Variants in IRF6 observed in about 807,000 individuals in gnomAD.
IRF6 encodes the protein Van der Woude syndrome.
Under a neutral mutation model 51.4 loss-of-function variants are expected in IRF6, and 6 were observed. That is an observed-to-expected ratio of 0.12 (90% CI 0.06 to 0.23). IRF6 has a LOEUF of 0.23. Among genes scored for constraint, IRF6 ranks in the 10% least tolerant of loss-of-function variants. The pLI is 1.00. For missense variants in IRF6, 348 were observed against 585.2 expected, an observed-to-expected ratio of 0.59 and a Z score of 4.18; for synonymous variants, 178 against 215.7, an observed-to-expected ratio of 0.83 and a Z score of 1.53.
intron 6 of IRF6, 46 bp downstream of exon 6, chr1:209,792,223 A>G (rs2077872781): frequency 6.3e-7 from 1 of 1,581,800 alleles, no homozygotes; most frequent in South Asian, 1.1e-5. Flanking sequence ...GAAAGAGTCT[A>G]TAATAGAAGC....
rs12061620 is a variant in IRF6, at chr1:209,804,839, T to A, written c.-76+1108A>T. 8.4e-3 allele frequency among the ~76,000 whole-genome samples: 1,284 copies of A among 152,284 alleles called. 11 individuals carry two copies. Among genetic ancestry groups the A allele is most frequent in the African/African-American group, 0.028 (1,180 of 41,548 alleles). On this transcript the variant is annotated intron_variant, in intron 1 of 8. Transcript: ENST00000367021. ...CCACACAAAAGCCGAGATTTGGCCG[T>A]CAGTGGTTTTGCTCAGGTTAAAACA...
Position 209,801,285 on chromosome 1 carries a change from G to T in IRF6, c.129C>A (p.Ala43=). 1.2e-6 allele frequency: 2 copies of T among 1,614,118 alleles called. No individual in the cohort carries two copies. The highest frequency in any genetic ancestry group is 1.7e-6 in the Non-Finnish European group (2 of 1,180,014). ...SKRFQIPWKH[A]TRHSPQQEEE... ...CTTCTTGTTGAGGGCTATGCCGGGT[G>T]GCATGTTTCCAGGGAATCTGGAAGC... The change falls in exon 3 of 9, where the codon GCC becomes GCA. Residue 43 remains alanine, a synonymous_variant. Coordinates refer to ENST00000367021, the MANE Select transcript of IRF6 (RefSeq NM_006147.4).
intron 2 of IRF6, among the ~76,000 whole-genome samples, chr1:209,801,677 A>C (rs1450557863): frequency 6.6e-6 from 1 of 152,224 alleles, no homozygotes; most frequent in Non-Finnish European, 1.5e-5. Context: ...TCTTCTATTT[A>C]AATCCTGAAG....
At chr1:209,789,069 T>C (rs2077851881) in intron 8 of IRF6, among the ~76,000 whole-genome samples, 1 of 152,164 alleles carries the variant, frequency 6.6e-6, no homozygotes, top group Non-Finnish European at 1.5e-5. Context: ...CTTACACCCA[T>C]AATCCCAGCA....
At position 209,804,335 on chromosome 1, in the gene IRF6, A is replaced by T. The variant is rs1485467039; in HGVS notation, c.-76+1612T>A. Among the ~76,000 whole-genome samples the T allele has an allele frequency of 2.6e-5, 4 of 152,084 alleles. No homozygotes were observed. The East Asian group carries it at 7.7e-4, about 29-fold the overall frequency. ...CCTAAGTCACAGTGTTCTGTACCAA[A>T]CCCTGCCACTGCACCTTGTCTTCCA... is the stretch of plus-strand genomic sequence containing the variant. On this transcript the variant is annotated intron_variant, in intron 1 of 8. Coordinates refer to ENST00000367021, the MANE Select transcript of IRF6 (RefSeq NM_006147.4).
chr1:209,799,982 C>T (rs74469994), intron 3 of IRF6, among the ~76,000 whole-genome samples: 53 of 152,308 alleles, frequency 3.5e-4, no homozygotes, highest in African/African-American at 1.1e-3. Flanking sequence ...TTGAACCCTG[C>T]GCTTACATTT....
At chr1:209,789,245 A>T (rs2102535496) in intron 8 of IRF6, among the ~76,000 whole-genome samples, 1 of 151,824 alleles carries the variant, frequency 6.6e-6, no homozygotes, top group Non-Finnish European at 1.5e-5. Flanking sequence ...GATCACTTGA[A>T]CCTGGGAGGT....
rs2077858286 is a variant in IRF6, at chr1:209,789,805, A to G, written c.1061-20T>C. ...TGAGATCTGCAGAAAGTGGAAGAGC[A>G]AGTTTGGTATACTGGGTCATTCCAC... On this transcript the variant is annotated intron_variant, in intron 7 of 8. Transcript: ENST00000367021. The G allele has an allele frequency of 6.5e-7, 1 of 1,547,410 alleles. No homozygotes were observed. The highest frequency in any genetic ancestry group is 1.4e-5 in the African/African-American group (1 of 73,622).
chr1:209,789,670 A>G lies in IRF6; in HGVS notation c.1176T>C (p.Val392=). Residue 392 remains valine, a synonymous_variant, in exon 8 of 9, where the codon GTT becomes GTC. Transcript: ENST00000367021. ...GKPLERKLIL[V]QVIPVVARMI... is the part of the protein sequence containing the mutation. The stretch of plus-strand genomic sequence containing the variant: ...TGACACAGCCTTATCTTCTCACCTG[A>G]ACCAAGATGAGTTTCCTTTCCAATG... The G allele has an allele frequency of 6.2e-7, 1 of 1,606,788 alleles. No individual in the cohort carries two copies. Among genetic ancestry groups the G allele is most frequent in the Non-Finnish European group, 8.5e-7 (1 of 1,173,334 alleles).
intron 3 of IRF6, among the ~76,000 whole-genome samples, chr1:209,800,386 T>A (rs2077933234): frequency 6.6e-6 from 1 of 152,246 alleles, no homozygotes; most frequent in Non-Finnish European, 1.5e-5. Context: ...TAAAACCATT[T>A]AAAAAATTAA....
At chr1:209,793,972 T>C (rs566553646) in intron 5 of IRF6, among the ~76,000 whole-genome samples, 14 of 152,350 alleles carry the variant, frequency 9.2e-5, no homozygotes, top group East Asian at 3.9e-4. Flanking sequence ...CAGTCCACCA[T>C]TGATGGGCAT....
At chr1:209,794,153 C>T (rs2077886777) in intron 5 of IRF6, among the ~76,000 whole-genome samples, 3 of 152,206 alleles carry the variant, frequency 2.0e-5, no homozygotes, top group African/African-American at 7.2e-5. Context: ...CACCAAACTG[C>T]TTTCCACAGT....
chr1:209,795,159 A>G (rs2077892782), intron 5 of IRF6, 131 bp downstream of exon 5: 1 of 1,078,976 alleles, frequency 9.3e-7, no homozygotes, highest in Non-Finnish European at 1.4e-6. Flanking sequence ...CCACTTGCTA[A>G]CAGTCCAGCA....
In IRF6 at chr1:209,790,104, G is replaced by A. The variant is rs2077860131; in HGVS notation, c.1061-319C>T. The stretch of plus-strand genomic sequence containing the variant: ...ACATCACGGTGCTTTCCCTAAAACT[G>A]CCTGCTTGAATTCACCACTCAGATA... On this transcript the variant is annotated intron_variant, in intron 7 of 8. Transcript: ENST00000367021. This position sits in a 1 kb window ranked among gnomAD's most constrained non-coding sequence, Gnocchi z 4.8. Among the ~76,000 whole-genome samples, 1 of 152,196 alleles carries A rather than the reference G, an allele frequency of 6.6e-6. No homozygotes were observed. The highest frequency in any genetic ancestry group is 1.9e-4 in the East Asian group (1 of 5,194).
chr1:209,788,497 G>A lies in IRF6; in HGVS notation c.1327C>T (p.Leu443Phe), dbSNP rs767093199. The A allele has an allele frequency of 6.2e-7, 1 of 1,614,198 alleles. No individual in the cohort carries two copies. The highest frequency in any genetic ancestry group is 1.1e-5 in the South Asian group (1 of 91,082). Residue 443 changes from leucine to phenylalanine, a missense_variant, in exon 9 of 9, where the codon CTT becomes TTT. Leu to Phe is a conservative substitution (Grantham distance 22, BLOSUM62 0). Around this residue, in one of 5 missense-constraint regions of IRF6, gnomAD observed 48 missense variants for 66.9 expected, o/e 0.72. Coordinates refer to ENST00000367021, the MANE Select transcript of IRF6 (RefSeq NM_006147.4). ...VAQLKQLYRI[L>F]QTQESWQPMQ... is the part of the protein sequence containing the mutation. Reference sequence around the variant, plus strand: ...GGCTGCCAGCTCTCCTGGGTTTGAAGGATGCGGTACAGCTGCTTCAGCTGA... The same window carrying A: ...GGCTGCCAGCTCTCCTGGGTTTGAAAGATGCGGTACAGCTGCTTCAGCTGA...
At chr1:209,803,463 G>A (rs1275698235) in intron 1 of IRF6, among the ~76,000 whole-genome samples, 2 of 152,182 alleles carry the variant, frequency 1.3e-5, no homozygotes, top group Non-Finnish European at 2.9e-5. Context: ...GCCAAGACCA[G>A]GAGCTGCACC....
In IRF6 at chr1:209,788,779, G is replaced by C. The variant is rs764345955; in HGVS notation, c.1180-135C>G. On this transcript the variant is annotated intron_variant, in intron 8 of 8. Coordinates refer to ENST00000367021, the MANE Select transcript of IRF6 (RefSeq NM_006147.4). ...ATTCTGATGTCTAAATATAGGATAT[G>C]CCTTCATCTCTCTGGACCATCCTTC... is the stretch of plus-strand genomic sequence containing the variant. The C allele has an allele frequency of 3.1e-5, 22 of 718,156 alleles. No individual in the cohort carries two copies. The Middle Eastern group carries it at 9.7e-4, about 32-fold the overall frequency. The allele number at this position is 718,156 out of a possible 1,614,324, so 44.5% of individuals were successfully genotyped here.
At position 209,796,218 on chromosome 1, in the gene IRF6, G is replaced by T; in HGVS notation, c.379+130C>A. 2.6e-6 allele frequency: 2 copies of T among 772,120 alleles called. No homozygotes were observed. The highest frequency in any genetic ancestry group is 4.2e-6 in the Non-Finnish European group (2 of 478,472). 47.8% of individuals were successfully genotyped at this position (772,120 alleles called of 1,614,324 possible). On this transcript the variant is annotated intron_variant, in intron 4 of 8. Coordinates refer to ENST00000367021, the MANE Select transcript of IRF6 (RefSeq NM_006147.4). This position sits in a 1 kb window ranked among gnomAD's most constrained non-coding sequence, Gnocchi z 4.5. ...TCTTTTGTTTTCTGGGTCCTTCCCA[G>T]AGAAAGGCTTTCTTGCTTTATCCAT... is the stretch of plus-strand genomic sequence containing the variant.
intron 3 of IRF6, among the ~76,000 whole-genome samples, chr1:209,797,810 A>G (rs2077912624): frequency 6.6e-6 from 1 of 152,186 alleles, no homozygotes; most frequent in Non-Finnish European, 1.5e-5. Flanking sequence ...CATTGCTAAC[A>G]AGTTCTCTGA....
Sources: gnomAD v4.1 joint callset for allele counts (sites outside exome capture counted in the v4.1 genomes callset) on GRCh38, gnomAD v4.1.1 for gene constraint, gnomAD v4.1.1 regional missense constraint, Gnocchi (gnomAD v3.1) non-coding constraint, MANE v1.5 for transcripts, NCBI Gene and HGNC (gene_info 2026-07-23, HGNC 2026-07-21) for gene names.